RANBP2: variants seen among roughly 807,000 people sequenced by gnomAD.
The protein encoded by RANBP2 is RAN binding protein 2, also known as E3 SUMO-protein ligase RanBP2.
RANBP2 carries 57 observed loss-of-function variants against 303.6 expected under a neutral mutation model. The ratio of observed to expected loss-of-function variants is 0.19; its 90% CI spans 0.15 to 0.23. The LOEUF is 0.23. RANBP2 is among the 10% of genes least tolerant of loss of function. RANBP2 has a pLI of 1.00. For missense variants in RANBP2, 3,138 were observed against 3,780.8 expected (o/e 0.83, Z 4.46); for synonymous variants, 1,167 against 1,301.5 (o/e 0.90, Z 2.23).
chr2:108,819,063 C>T, the RANBP2 span, among the ~76,000 whole-genome samples: 1 of 152,138 alleles, frequency 6.6e-6, no homozygotes. Context: ...TAAAATTTGG[C>T]TATAAGACTA....
At chr2:109,764,301 C>G in the RANBP2 span, among the ~76,000 whole-genome samples, 7 of 146,752 alleles carry the variant, frequency 4.8e-5, 1 homozygote, top group Admixed American at 5.0e-4. Context: ...TATGCAGAGG[C>G]GCAAGGCTGC....
chr2:109,405,246 T>C, the RANBP2 span, among the ~76,000 whole-genome samples: 4 of 152,270 alleles, frequency 2.6e-5, no homozygotes, highest in South Asian at 2.1e-4. Context: ...CACCCCTCTT[T>C]CCGCAAACCT....
chr2:108,754,097 G>A lies in RANBP2; in HGVS notation c.2202+126G>A. Reference sequence around the variant, plus strand: ...TATGTTGTTATTAATGCACAGAAGGGATATGTGTGTCTAAATGCTTATATT... The same window carrying A: ...TATGTTGTTATTAATGCACAGAAGGAATATGTGTGTCTAAATGCTTATATT... On this transcript the variant is annotated intron_variant, in intron 15 of 28. Coordinates refer to ENST00000283195, the MANE Select transcript of RANBP2 (RefSeq NM_006267.5). 5 of 1,599,952 alleles carry A rather than the reference G, an allele frequency of 3.1e-6. No individual in the cohort carries two copies. In the South Asian group the frequency reaches 3.3e-5, roughly 11 times the overall value.
At chr2:109,668,279 TG>T in the RANBP2 span, among the ~76,000 whole-genome samples, 3 of 152,250 alleles carry the variant, frequency 2.0e-5, no homozygotes, top group Non-Finnish European at 2.9e-5. Flanking sequence ...TTAATTATTT[TG>T]TACTATAAAA....
At chr2:109,643,479 G>T in the RANBP2 span, among the ~76,000 whole-genome samples, 10 of 152,302 alleles carry the variant, frequency 6.6e-5, no homozygotes, top group South Asian at 1.2e-3. Flanking sequence ...CCTGCCAAAG[G>T]CTGGGCGCAG....
At chr2:109,541,473 C>T in the RANBP2 span, among the ~76,000 whole-genome samples, 1 of 152,182 alleles carries the variant, frequency 6.6e-6, no homozygotes, top group Non-Finnish European at 1.5e-5. Context: ...CCCCTGCCTG[C>T]CAGTATCTCC....
chr2:108,905,120 G>A, the RANBP2 span, among the ~76,000 whole-genome samples: 2 of 152,306 alleles, frequency 1.3e-5, no homozygotes, highest in East Asian at 3.9e-4. Context: ...AGGGTGTTTG[G>A]GCAGATTGGG....
the RANBP2 span, among the ~76,000 whole-genome samples, chr2:109,452,539 A>G: frequency 2.0e-5 from 3 of 152,144 alleles, no homozygotes; most frequent in Non-Finnish European, 2.9e-5. Context: ...TGCATGTACC[A>G]GAGAGAAGGC....
At chr2:109,360,025 T>G in the RANBP2 span, among the ~76,000 whole-genome samples, 1 of 151,042 alleles carries the variant, frequency 6.6e-6, no homozygotes, top group South Asian at 2.1e-4. Context: ...GAGGACCCAC[T>G]TACTGGTCCC....
Position 108,777,132 on chromosome 2 carries a change from G to T in RANBP2, c.8500G>T (p.Glu2834Ter). Residue 2834 changes from glutamate (E) to a stop codon, truncating the protein, a stop_gained and splice_region_variant, in exon 25 of 29, where the codon GAA becomes TAA. Coordinates refer to ENST00000283195, the MANE Select transcript of RANBP2 (RefSeq NM_006267.5). LOFTEE classifies it high-confidence loss of function. The part of the protein sequence containing the change: ...EIDTDSTSQG[E>*]SKIVSFGFGS... ...TTGTTCTTTTTTTCTTTTGCCAGGGGAAAGCAAGATAGTTTCATTTGGATT... is the reference window on the plus strand; with the variant it reads ...TTGTTCTTTTTTTCTTTTGCCAGGGTAAAGCAAGATAGTTTCATTTGGATT... 6.2e-7 allele frequency: 1 copy of T among 1,612,958 alleles called. No individual in the cohort carries two copies. The highest frequency in any genetic ancestry group is 8.5e-7 in the Non-Finnish European group (1 of 1,179,268).
the RANBP2 span, among the ~76,000 whole-genome samples, chr2:108,967,193 C>A: frequency 1.3e-5 from 2 of 152,144 alleles, no homozygotes; most frequent in African/African-American, 4.8e-5. Context: ...CCTTGGCCTC[C>A]CAAAGTGCTC....
chr2:109,325,529 C>T, the RANBP2 span, among the ~76,000 whole-genome samples: 10 of 151,896 alleles, frequency 6.6e-5, no homozygotes, highest in East Asian at 7.8e-4. Context: ...CTTGGTTCCC[C>T]GCTTCCCCCA....
At chr2:109,385,126 C>T in the RANBP2 span, among the ~76,000 whole-genome samples, 1,712 of 152,304 alleles carry the variant, frequency 0.011, 33 homozygotes, top group African/African-American at 0.039. Context: ...CCCCTGCCCA[C>T]GTTGGCATCA....
chr2:109,079,970 G>A, the RANBP2 span, among the ~76,000 whole-genome samples: 3 of 152,222 alleles, frequency 2.0e-5, no homozygotes, highest in Non-Finnish European at 4.4e-5. Flanking sequence ...GCATGAGGAC[G>A]CATTTCTGGG....
At chr2:109,297,079 G>T in the RANBP2 span, among the ~76,000 whole-genome samples, 1 of 152,060 alleles carries the variant, frequency 6.6e-6, no homozygotes, top group Non-Finnish European at 1.5e-5. Flanking sequence ...GTTGGTCCAG[G>T]TGGGGGGTGA....
At chr2:109,585,957 T>C in the RANBP2 span, 1 of 672,308 alleles carries the variant, frequency 1.5e-6, no homozygotes, top group East Asian at 2.8e-5. Context: ...ATAATCATTA[T>C]ACCTCACCTA....
chr2:109,474,714 C>G, the RANBP2 span, among the ~76,000 whole-genome samples: 1 of 152,218 alleles, frequency 6.6e-6, no homozygotes, highest in Admixed American at 6.5e-5. Flanking sequence ...AGATACTTCA[C>G]CACCATCACA....
At chr2:109,300,445 G>T in the RANBP2 span, among the ~76,000 whole-genome samples, 2 of 152,180 alleles carry the variant, frequency 1.3e-5, no homozygotes, top group African/African-American at 2.4e-5. Flanking sequence ...GTCCCAAAGT[G>T]CTGGGATTAT....
the RANBP2 span, among the ~76,000 whole-genome samples, chr2:109,360,052 T>A: frequency 7.3e-6 from 1 of 137,614 alleles, no homozygotes; most frequent in Non-Finnish European, 1.6e-5. Context: ...ACTTCTGATG[T>A]TTCCTTGCAC....
Sources: allele counts gnomAD v4.1 joint callset (sites outside exome capture counted in the v4.1 genomes callset), GRCh38; gene constraint gnomAD v4.1.1; transcripts MANE v1.5; gene names NCBI Gene and HGNC (gene_info 2026-07-23, HGNC 2026-07-21).